BTBD7: variants seen among roughly 807,000 people sequenced by gnomAD.
The protein encoded by BTBD7 is BTB domain containing 7.
In BTBD7, 38 loss-of-function variants were observed where a neutral mutation model predicts 99.9. That is an observed-to-expected ratio of 0.38 (90% CI 0.29 to 0.50). The LOEUF (loss-of-function observed/expected upper bound fraction) is 0.50, where lower values mean the gene tolerates loss of function less well. BTBD7 is among the 20% of genes least tolerant of loss of function. The pLI, the probability that BTBD7 is intolerant of heterozygous loss-of-function variation, is 0.93. For missense variants in BTBD7, 1,170 were observed against 1,394.6 expected (o/e 0.84, Z 2.57); for synonymous variants, 520 against 511.4 (o/e 1.02, Z -0.23).
rs1387499560 is a variant in BTBD7, at chr14:93,269,368, A to ATT, written c.1163-5376_1163-5375insAA. ...GGATGCTGGCAGGGAAAGGCCAACA[A>ATT]GTGGGTGCTGAGAGGCTTTACACGG... is the stretch of plus-strand genomic sequence containing the variant. On this transcript the variant is annotated intron_variant, in intron 3 of 10. Transcript: ENST00000334746. Among the ~76,000 whole-genome samples the ATT allele has an allele frequency of 2.2e-3, 338 of 152,346 alleles. 1 individual carries two copies. The highest frequency in any genetic ancestry group is 7.8e-3 in the African/African-American group (324 of 41,586).
chr14:93,277,318 G>T (rs534995817), intron 3 of BTBD7, among the ~76,000 whole-genome samples: 2 of 152,288 alleles, frequency 1.3e-5, no homozygotes, highest in South Asian at 2.1e-4. Flanking sequence ...AGCATGGGGG[G>T]TAATGAGAAT....
chr14:93,284,706 G>A (rs1418220123), intron 3 of BTBD7, among the ~76,000 whole-genome samples: 1 of 152,064 alleles, frequency 6.6e-6, no homozygotes, highest in Non-Finnish European at 1.5e-5. Flanking sequence ...AATAAAAAGT[G>A]TTTTAGAAAT....
At chr14:93,325,106 ATTTTTTTTTTT>A (rs34523849) in intron 1 of BTBD7, among the ~76,000 whole-genome samples, 6 of 105,574 alleles carry the variant, frequency 5.7e-5, no homozygotes, top group African/African-American at 2.3e-4. Flanking sequence ...GCATGCTCCA[ATTTTTTTTTTT>A]TTTTTTTTTT....
rs371730421 is a variant in BTBD7 at position 93,309,174 on chromosome 14, T to C, written c.-106-13017A>G. On this transcript the variant is annotated intron_variant, in intron 1 of 10. Coordinates refer to ENST00000334746, the MANE Select transcript of BTBD7 (RefSeq NM_001002860.4). ...AATGGGAATACAGTTTACCAAGGGC[T>C]TTTTCATGTGTTAAGTCATTTTATT... Among the ~76,000 whole-genome samples the C allele has an allele frequency of 8.5e-5, 13 of 152,248 alleles. No individual in the cohort carries two copies. The East Asian group carries it at 1.5e-3, about 18-fold the overall frequency.
chr14:93,316,062 CT>C (rs1566863497), intron 1 of BTBD7, among the ~76,000 whole-genome samples: 1 of 151,426 alleles, frequency 6.6e-6, no homozygotes, highest in Non-Finnish European at 1.5e-5. Context: ...AGCAATTCTC[CT>C]GCCTCAGCCT....
chr14:93,290,829 G>A (rs547528666), intron 3 of BTBD7, among the ~76,000 whole-genome samples: 5 of 151,810 alleles, frequency 3.3e-5, no homozygotes, highest in South Asian at 2.1e-4. Context: ...GACTAGAAGC[G>A]TGTACCATGA....
Position 93,239,392 on chromosome 14 carries a change from C to G in BTBD7, c.*2881G>C, listed in dbSNP as rs2052194873. 1 of 151,692 alleles carries G rather than the reference C, an allele frequency of 6.6e-6. No homozygotes were observed. Among genetic ancestry groups the G allele is most frequent in the Non-Finnish European group, 1.5e-5 (1 of 67,948 alleles). 9.4% of individuals were successfully genotyped at this position (151,692 alleles called of 1,614,324 possible). A position where few individuals can be genotyped will look rare whatever the true frequency, so the allele number is the denominator to read the frequency against. ...TTGTGATTTGGTTCTCATTAAATTCCTATACCAAGTAAAATGCCAGTTCCC... is the reference window on the plus strand; with the variant it reads ...TTGTGATTTGGTTCTCATTAAATTCGTATACCAAGTAAAATGCCAGTTCCC... On this transcript the variant is annotated 3_prime_UTR_variant, in exon 11 of 11. Transcript: ENST00000334746.
At chr14:93,329,241 A>G (rs1231998618) in intron 1 of BTBD7, among the ~76,000 whole-genome samples, 1 of 152,252 alleles carries the variant, frequency 6.6e-6, no homozygotes, top group Non-Finnish European at 1.5e-5. Flanking sequence ...AAAAAAATAC[A>G]AAAGATCAAT....
Position 93,294,546 on chromosome 14 carries a change from G to A in BTBD7, c.474C>T (p.Ala158=), listed in dbSNP as rs756813865. The part of the protein sequence containing the change: ...FQETCFPVHR[A]ILAARCPFFK... ...AAAATGGACACCTTGCTGCCAAAAT[G>A]GCACGATGAACAGGAAAACAAGTTT... The change falls in exon 3 of 11, where the codon GCC becomes GCT. Residue 158 remains alanine (A), a synonymous_variant. Transcript: ENST00000334746. 6.2e-7 allele frequency: 1 copy of A among 1,613,902 alleles called. No individual in the cohort carries two copies. Among genetic ancestry groups the A allele is most frequent in the Non-Finnish European group, 8.5e-7 (1 of 1,179,938 alleles).
intron 1 of BTBD7, among the ~76,000 whole-genome samples, chr14:93,320,877 TATA>T (rs1433193179): frequency 3.3e-5 from 5 of 152,318 alleles, no homozygotes; most frequent in African/African-American, 1.2e-4. Flanking sequence ...CATCTACTAG[TATA>T]ATTTTATTTT....
intron 1 of BTBD7, among the ~76,000 whole-genome samples, chr14:93,304,581 A>G (rs986758010): frequency 1.3e-5 from 2 of 152,112 alleles, no homozygotes; most frequent in Admixed American, 1.3e-4. Context: ...CAAACTCCTG[A>G]CCTCAGGTGA....
At chr14:93,273,430 C>T (rs760896539) in intron 3 of BTBD7, among the ~76,000 whole-genome samples, 7 of 152,102 alleles carry the variant, frequency 4.6e-5, no homozygotes, top group Non-Finnish European at 7.4e-5. Flanking sequence ...CTTGCAGCTG[C>T]GGGGCAGATT....
intron 3 of BTBD7, among the ~76,000 whole-genome samples, chr14:93,282,562 A>G (rs1218891237): frequency 2.6e-5 from 4 of 152,052 alleles, no homozygotes; most frequent in Admixed American, 2.6e-4. Context: ...TGAACTCCTG[A>G]CTGCGTGATC....
intron 8 of BTBD7, 84 bp from the exon 9 acceptor site, chr14:93,248,738 A>G: frequency 8.2e-7 from 1 of 1,212,974 alleles, no homozygotes; most frequent in Non-Finnish European, 1.1e-6. Flanking sequence ...AAAAGCATGT[A>G]TTTCATACCA....
At chr14:93,275,817 T>A (rs1214477978) in intron 3 of BTBD7, among the ~76,000 whole-genome samples, 2 of 152,238 alleles carry the variant, frequency 1.3e-5, no homozygotes, top group African/African-American at 4.8e-5. Flanking sequence ...CATAACCTTA[T>A]AGGACCACTG....
At position 93,242,637 on chromosome 14, in the gene BTBD7, G is replaced by A. The variant is rs772052608; in HGVS notation, c.3035C>T (p.Ser1012Phe). 8.1e-6 allele frequency: 13 copies of A among 1,613,850 alleles called. No homozygotes were observed. The highest frequency in any genetic ancestry group is 3.3e-4 in the Middle Eastern group (2 of 6,084). Residue 1012 changes from serine (S) to phenylalanine (F), a missense_variant, in exon 11 of 11, where the codon TCC (serine) becomes TTC (phenylalanine). Transcript: ENST00000334746. ...TTGTCTGTGTAGATGCCCGTCAGGGGAAAGTGGATATTCTCTCCTAGCTTC... is the reference window on the plus strand; with the variant it reads ...TTGTCTGTGTAGATGCCCGTCAGGGAAAAGTGGATATTCTCTCCTAGCTTC... The part of the protein sequence containing the change: ...QEEARREYPL[S>F]PDGHLHRQKN...
At chr14:93,313,176 T>C (rs182606043) in intron 1 of BTBD7, among the ~76,000 whole-genome samples, 23 of 152,334 alleles carry the variant, frequency 1.5e-4, no homozygotes, top group Admixed American at 9.8e-4. Flanking sequence ...AGTCCTCCCA[T>C]AACCCCTAAA....
At chr14:93,289,028 G>C (rs1237849086) in intron 3 of BTBD7, among the ~76,000 whole-genome samples, 4 of 152,058 alleles carry the variant, frequency 2.6e-5, no homozygotes, top group Non-Finnish European at 5.9e-5. Flanking sequence ...GAAAATCTCA[G>C]GTCTCCTGTG....
chr14:93,281,759 C>T (rs1026795298), intron 3 of BTBD7, among the ~76,000 whole-genome samples: 1 of 152,178 alleles, frequency 6.6e-6, no homozygotes, highest in African/African-American at 2.4e-5. Context: ...CAGTATATCA[C>T]TAATAAGGAT....
Sources: gnomAD v4.1 joint callset for allele counts (sites outside exome capture counted in the v4.1 genomes callset) on GRCh38, gnomAD v4.1.1 for gene constraint, MANE v1.5 for transcripts, NCBI Gene and HGNC (gene_info 2026-07-23, HGNC 2026-07-21) for gene names.